Variants in KCNK10 observed in about 807,000 individuals in gnomAD.
KCNK10 encodes the protein potassium two pore domain channel subfamily K member 10.
A neutral mutation model predicts 47.7 loss-of-function variants in KCNK10; 25 were observed. The observed-to-expected ratio is 0.52, with a 90% confidence interval of 0.38 to 0.73. KCNK10 has a LOEUF of 0.73. KCNK10 is among the 30% of genes least tolerant of loss of function. The pLI is 0.00. For synonymous variants in KCNK10, 303 were observed against 285.6 expected (o/e 1.06, Z -0.61); for missense variants, 563 against 714.5 (o/e 0.79, Z 2.42).
At chr14:88,281,713 T>G (rs1887652328) in intron 1 of KCNK10, among the ~76,000 whole-genome samples, 1 of 121,356 alleles carries the variant, frequency 8.2e-6, no homozygotes, top group African/African-American at 2.9e-5. Context: ...TAAATAAATC[T>G]CTCTCTCTCT....
At chr14:88,198,927 T>TTTATTTTATTTTATTTTATTTTA (rs1333671570) in intron 4 of KCNK10, among the ~76,000 whole-genome samples, 1 of 145,438 alleles carries the variant, frequency 6.9e-6, no homozygotes, top group Non-Finnish European at 1.5e-5. Context: ...TTTATTTTAT[T>TTTATTTTATTTTATTTTATTTTA]TTATTTTTTT....
chr14:88,243,418 G>A (rs905849354), intron 2 of KCNK10, among the ~76,000 whole-genome samples: 1 of 152,136 alleles, frequency 6.6e-6, no homozygotes, highest in Non-Finnish European at 1.5e-5. Context: ...ACCCTGTCTG[G>A]CCCAAAGCGG....
intron 1 of KCNK10, among the ~76,000 whole-genome samples, chr14:88,287,315 G>A (rs147476901): frequency 1.1e-3 from 167 of 152,240 alleles, no homozygotes; most frequent in African/African-American, 3.8e-3. Flanking sequence ...ATTGCCACAA[G>A]TTCTTTTTTA....
At chr14:88,295,358 G>A (rs1403301705) in intron 1 of KCNK10, among the ~76,000 whole-genome samples, 1 of 152,140 alleles carries the variant, frequency 6.6e-6, no homozygotes, top group East Asian at 1.9e-4. Flanking sequence ...CTCTTCAGTA[G>A]CAAACCCAAA....
chr14:88,271,738 G>A (rs1459829562), intron 1 of KCNK10, among the ~76,000 whole-genome samples: 1 of 152,034 alleles, frequency 6.6e-6, no homozygotes, highest in East Asian at 1.9e-4. Context: ...GGGCCAAACT[G>A]CATAAACTGT....
intron 1 of KCNK10, among the ~76,000 whole-genome samples, chr14:88,316,842 T>G (rs1280800944): frequency 2.6e-5 from 4 of 152,242 alleles, no homozygotes; most frequent in Admixed American, 2.0e-4. Flanking sequence ...TAGCTCACTG[T>G]GCCTATATTA....
At chr14:88,225,871 G>A (rs1368782784) in intron 4 of KCNK10, among the ~76,000 whole-genome samples, 1 of 152,228 alleles carries the variant, frequency 6.6e-6, no homozygotes, top group African/African-American at 2.4e-5. Flanking sequence ...CTAAACATCT[G>A]AAAAGCAGGG....
At chr14:88,245,207 A>G (rs1473963079) in intron 2 of KCNK10, among the ~76,000 whole-genome samples, 1 of 152,250 alleles carries the variant, frequency 6.6e-6, no homozygotes, top group East Asian at 1.9e-4. Context: ...AGACAAACAC[A>G]AAAGCAACTC....
chr14:88,247,697 G>C (rs1302086922), intron 2 of KCNK10, among the ~76,000 whole-genome samples: 1 of 152,198 alleles, frequency 6.6e-6, no homozygotes, highest in Non-Finnish European at 1.5e-5. Context: ...ATGGCGTATG[G>C]TCTTAGACAC....
chr14:88,202,975 A>G (rs1236517912), intron 4 of KCNK10, among the ~76,000 whole-genome samples: 1 of 152,240 alleles, frequency 6.6e-6, no homozygotes, highest in East Asian at 1.9e-4. Flanking sequence ...CATGGAAGGT[A>G]AACCTTGCCC....
At chr14:88,193,358 G>GA (rs1259404855) in intron 4 of KCNK10, among the ~76,000 whole-genome samples, 1 of 152,160 alleles carries the variant, frequency 6.6e-6, no homozygotes, top group Non-Finnish European at 1.5e-5. Flanking sequence ...CCAGGAGCAG[G>GA]ACTGGTAGCA....
chr14:88,259,713 C>T (rs1314952160), intron 2 of KCNK10, among the ~76,000 whole-genome samples: 1 of 152,120 alleles, frequency 6.6e-6, no homozygotes, highest in Middle Eastern at 3.2e-3. Flanking sequence ...CGCCTTGGCC[C>T]CCCAAGCTGC....
Position 88,186,303 on chromosome 14 carries a change from C to T in KCNK10, c.1012-148G>A. The stretch of plus-strand genomic sequence containing the variant: ...GGGGAGGTGCAAATGCTACCTTCTG[C>T]CCTAGTACTTCTGCCACCTGGACAC... On this transcript the variant is annotated intron_variant, in intron 6 of 6. Transcript: ENST00000319231. This position sits in a 1 kb window ranked among gnomAD's most constrained non-coding sequence, Gnocchi z 5.5. 1 of 974,506 alleles carries T rather than the reference C, an allele frequency of 1.0e-6. No homozygotes were observed. The highest frequency in any genetic ancestry group is 1.9e-5 in the South Asian group (1 of 53,344). 60.4% of individuals were successfully genotyped at this position (974,506 alleles called of 1,614,324 possible).
intron 3 of KCNK10, among the ~76,000 whole-genome samples, chr14:88,231,965 A>G (rs981052242): frequency 6.6e-6 from 1 of 152,198 alleles, no homozygotes; most frequent in Non-Finnish European, 1.5e-5. Context: ...TACCTAATAA[A>G]CACATTTTTT....
chr14:88,308,419 C>G (rs945687901), intron 1 of KCNK10, among the ~76,000 whole-genome samples: 1 of 152,220 alleles, frequency 6.6e-6, no homozygotes, highest in African/African-American at 2.4e-5. Context: ...TCATTCTGCC[C>G]CAGCAGCCCA....
In KCNK10 at chr14:88,242,291, C is replaced by A. The variant is rs190108870; in HGVS notation, c.403-1471G>T. Among the ~76,000 whole-genome samples, 11 of 152,332 alleles carry A rather than the reference C, an allele frequency of 7.2e-5. No individual in the cohort carries two copies. The East Asian group carries it at 2.1e-3, about 29-fold the overall frequency. On this transcript the variant is annotated intron_variant, in intron 2 of 6. Transcript: ENST00000319231. ...TCAAACACTCTGAACCAGGGATCAACAACTTTTTCCATAAAGGGTCAGATA... is the reference window on the plus strand; with the variant it reads ...TCAAACACTCTGAACCAGGGATCAAAAACTTTTTCCATAAAGGGTCAGATA...
chr14:88,250,657 T>C (rs1886768010), intron 2 of KCNK10, among the ~76,000 whole-genome samples: 1 of 152,212 alleles, frequency 6.6e-6, no homozygotes, highest in African/African-American at 2.4e-5. Flanking sequence ...TGTCCCTAAA[T>C]AGGGAAATAC....
chr14:88,303,078 C>A (rs1888135974), intron 1 of KCNK10, among the ~76,000 whole-genome samples: 1 of 152,086 alleles, frequency 6.6e-6, no homozygotes, highest in African/African-American at 2.4e-5. Context: ...AAACATCCTC[C>A]ATGATAAAAA....
chr14:88,188,199 T>C (rs918667322), intron 5 of KCNK10, 90 bp from the exon 6 acceptor site: 1 of 1,435,882 alleles, frequency 7.0e-7, no homozygotes. Flanking sequence ...GAAGACGTCA[T>C]CCATCATTGT....
Sources: gnomAD v4.1 joint callset for allele counts (sites outside exome capture counted in the v4.1 genomes callset) on GRCh38, gnomAD v4.1.1 for gene constraint, Gnocchi (gnomAD v3.1) non-coding constraint, MANE v1.5 for transcripts, NCBI Gene and HGNC (gene_info 2026-07-23, HGNC 2026-07-21) for gene names.